Variants in MYO16 observed in about 807,000 individuals in gnomAD.
The protein encoded by MYO16 is unconventional myosin-XVI.
In MYO16, 94 loss-of-function variants were observed where a neutral mutation model predicts 205.3. The observed-to-expected ratio is 0.46, with a 90% CI of 0.39 to 0.54. MYO16 has a LOEUF of 0.54. MYO16 is among the 20% of genes least tolerant of loss of function. The pLI is 0.00. For synonymous variants in MYO16, 988 were observed against 954.0 expected, an observed-to-expected ratio of 1.04 and a Z score of -0.66; for missense variants, 2,315 against 2,387.5, an observed-to-expected ratio of 0.97 and a Z score of 0.63.
At chr13:108,700,934 G>C (rs957150439) in intron 2 of MYO16, among the ~76,000 whole-genome samples, 3 of 152,098 alleles carry the variant, frequency 2.0e-5, no homozygotes, top group Admixed American at 2.0e-4. Context: ...CAAATAGGAA[G>C]TGCAGACTAA....
In MYO16 at chr13:108,798,405, T is replaced by G. The variant is rs141156033; in HGVS notation, c.741+4765T>G. Among the ~76,000 whole-genome samples, 273 of 152,314 alleles carry G rather than the reference T, an allele frequency of 1.8e-3. 1 individual carries two copies. The highest frequency in any genetic ancestry group is 3.2e-3 in the Admixed American group (49 of 15,288). The stretch of plus-strand genomic sequence containing the variant: ...AGACGGGTTTGGAGTTGCCTTTACC[T>G]TCTTTATTAGAATTGCAACAAAATA... On this transcript the variant is annotated intron_variant, in intron 6 of 34. Coordinates refer to ENST00000457511, the MANE Select transcript of MYO16 (RefSeq NM_001198950.3).
At chr13:108,879,728 G>A (rs567143596) in intron 12 of MYO16, among the ~76,000 whole-genome samples, 57 of 152,228 alleles carry the variant, frequency 3.7e-4, no homozygotes, top group African/African-American at 1.3e-3. Context: ...TCCATGGTGT[G>A]TATGTGCCAC....
intron 20 of MYO16, among the ~76,000 whole-genome samples, chr13:108,976,975 T>C (rs945573850): frequency 2.6e-5 from 4 of 152,202 alleles, no homozygotes; most frequent in Non-Finnish European, 5.9e-5. Context: ...TTTGTTTTCC[T>C]GTAGAGATAC....
At chr13:108,711,793 G>C (rs1207611977) in intron 2 of MYO16, among the ~76,000 whole-genome samples, 1 of 152,198 alleles carries the variant, frequency 6.6e-6, no homozygotes, top group African/African-American at 2.4e-5. Context: ...GTTTGAACCT[G>C]AGCCATTTTG....
intron 7 of MYO16, among the ~76,000 whole-genome samples, chr13:108,816,543 C>T (rs138902489): frequency 6.6e-6 from 1 of 152,206 alleles, no homozygotes; most frequent in East Asian, 1.9e-4. Flanking sequence ...TGCTGTGCAA[C>T]CGCAAGGTCA....
intron 1 of MYO16, among the ~76,000 whole-genome samples, chr13:108,661,671 T>G: frequency 6.6e-6 from 1 of 152,172 alleles, no homozygotes; most frequent in East Asian, 1.9e-4. Flanking sequence ...TTTTCATGAA[T>G]ATTTCCCCTT....
chr13:108,895,816 A>G (rs1880385501), intron 14 of MYO16, among the ~76,000 whole-genome samples: 3 of 152,230 alleles, frequency 2.0e-5, no homozygotes, highest in Admixed American at 2.0e-4. Context: ...GTACATAGTG[A>G]GCAGGACGGG....
chr13:108,845,360 T>C (rs1239958733), intron 10 of MYO16, among the ~76,000 whole-genome samples: 1 of 152,122 alleles, frequency 6.6e-6, no homozygotes, highest in Non-Finnish European at 1.5e-5. Flanking sequence ...ACAACAGAAA[T>C]GCATTTCTCA....
At chr13:108,812,233 TC>T (rs75090690) in intron 7 of MYO16, among the ~76,000 whole-genome samples, 6,046 of 152,248 alleles carry the variant, frequency 0.04, 191 homozygotes, top group East Asian at 0.11. Flanking sequence ...ACCCTGCATA[TC>T]CCGTATCATA....
At chr13:108,983,991 A>C (rs1467830418) in intron 20 of MYO16, among the ~76,000 whole-genome samples, 1 of 152,186 alleles carries the variant, frequency 6.6e-6, no homozygotes, top group Non-Finnish European at 1.5e-5. Flanking sequence ...CCCTGAGAAG[A>C]ACTAGTTATT....
At position 108,640,026 on chromosome 13, in the gene MYO16, T is replaced by A. The variant is rs772454880; in HGVS notation, c.28+10154T>A. 3.3e-5 allele frequency among the ~76,000 whole-genome samples: 5 copies of A among 152,112 alleles called. No homozygotes were observed. The South Asian group carries it at 1.0e-3, about 32-fold the overall frequency. ...AGAAGAGCTGTCCAGTATGTAGCCA[T>A]AGACACACAGCTGCAGCTCAGGTGA... On this transcript the variant is annotated intron_variant, in intron 1 of 34. Transcript: ENST00000457511.
intron 32 of MYO16, among the ~76,000 whole-genome samples, chr13:109,149,543 A>G (rs894392781): frequency 6.6e-6 from 1 of 152,214 alleles, no homozygotes; most frequent in Non-Finnish European, 1.5e-5. Context: ...AAACAATAAA[A>G]TTAAAATAAT....
At chr13:108,905,650 G>A (rs1437727291) in intron 15 of MYO16, among the ~76,000 whole-genome samples, 2 of 152,172 alleles carry the variant, frequency 1.3e-5, no homozygotes, top group Admixed American at 1.3e-4. Context: ...CAGGTTGAAG[G>A]ACTTTTAGAA....
intron 16 of MYO16, among the ~76,000 whole-genome samples, chr13:108,929,879 G>C (rs1052042646): frequency 6.6e-6 from 1 of 152,068 alleles, no homozygotes; most frequent in Admixed American, 6.5e-5. Context: ...ATCATAACTA[G>C]GGAAATGAAT....
intron 16 of MYO16, among the ~76,000 whole-genome samples, chr13:108,954,270 G>A (rs1353526528): frequency 6.6e-6 from 1 of 151,886 alleles, no homozygotes; most frequent in Non-Finnish European, 1.5e-5. Flanking sequence ...TTGCCCCTTT[G>A]ACTCTAATGA....
the MYO16 span, among the ~76,000 whole-genome samples, chr13:108,573,978 G>A: frequency 6.6e-6 from 1 of 152,184 alleles, no homozygotes; most frequent in South Asian, 2.1e-4. Flanking sequence ...AGCCTCCCAA[G>A]TAGCTGGGAC....
In MYO16 at chr13:108,883,164, C is replaced by A. The variant is rs762038297; in HGVS notation, c.1531C>A (p.Arg511=). The A allele has an allele frequency of 4.3e-6, 7 of 1,613,670 alleles. No homozygotes were observed. The highest frequency in any genetic ancestry group is 5.9e-6 in the Non-Finnish European group (7 of 1,179,742). The change falls in exon 13 of 35, where the codon CGG becomes AGG. Residue 511 remains arginine, a synonymous_variant. Transcript: ENST00000457511. The part of the protein sequence containing the change: ...RAFHQLFREQ[R]PQCFILSGER... ...CTTTCACCAGCTCTTCCGGGAACAG[C>A]GGCCTCAGTGTTTCATCCTCAGGTG... is the stretch of plus-strand genomic sequence containing the variant.
chr13:108,798,437 TATAAC>T (rs1227471342), intron 6 of MYO16, among the ~76,000 whole-genome samples: 3 of 152,262 alleles, frequency 2.0e-5, no homozygotes, highest in African/African-American at 7.2e-5. Flanking sequence ...AATAACTAAA[TATAAC>T]ATATCTCTTT....
rs74119873 is a variant in MYO16, at chr13:109,159,091, C to A, written c.5165-5810C>A. ...AAAAAACTATGTATGGACCTTGTGT[C>A]TTTGAATTCTCAAACCATGGGTCAG... On this transcript the variant is annotated intron_variant, in intron 32 of 34. Transcript: ENST00000457511. 4.0e-3 allele frequency among the ~76,000 whole-genome samples: 613 copies of A among 152,312 alleles called. 3 individuals carry two copies. Among genetic ancestry groups the A allele is most frequent in the African/African-American group, 0.014 (591 of 41,582 alleles).
Sources: gnomAD v4.1 joint callset for allele counts (sites outside exome capture counted in the v4.1 genomes callset) on GRCh38, gnomAD v4.1.1 for gene constraint, MANE v1.5 for transcripts, NCBI Gene and HGNC (gene_info 2026-07-23, HGNC 2026-07-21) for gene names.